The following MTMR7 variants were observed in gnomAD, a reference collection of about 807,000 sequenced individuals.
MTMR7 encodes phosphatidylinositol-3-phosphate phosphatase MTMR7.
In MTMR7, 76 loss-of-function variants were observed where a neutral mutation model predicts 81.2. The ratio of observed to expected loss-of-function variants is 0.94; its 90% CI spans 0.78 to 1.13. MTMR7 has a LOEUF of 1.13. MTMR7 is among the 50% of genes most tolerant of loss of function. MTMR7 has a pLI of 0.00. For synonymous variants in MTMR7, 372 were observed against 289.8 expected (o/e 1.28, Z -2.88); for missense variants, 1,044 against 820.0 (o/e 1.27, Z -3.34).
rs141625076 is a variant in MTMR7, at chr8:17,342,011, C to T, written c.598-514G>A. 6.8e-4 allele frequency among the ~76,000 whole-genome samples: 104 copies of T among 152,052 alleles called. 1 individual carries two copies. Among genetic ancestry groups the T allele is most frequent in the African/African-American group, 2.4e-3 (101 of 41,466 alleles). On this transcript the variant is annotated intron_variant, in intron 5 of 13. Transcript: ENST00000180173. Reference sequence around the variant, plus strand: ...CGGGAAACTTTCACGGTGACAAGAGCCCAGGTTGCTGCTAGGTTTGAAACC... The same window carrying T: ...CGGGAAACTTTCACGGTGACAAGAGTCCAGGTTGCTGCTAGGTTTGAAACC...
chr8:17,351,579 C>G (rs1446055595), intron 4 of MTMR7, among the ~76,000 whole-genome samples: 2 of 152,236 alleles, frequency 1.3e-5, no homozygotes, highest in African/African-American at 4.8e-5. Context: ...GGACAAAGAG[C>G]TCAACAACCT....
At chr8:17,304,595 G>GA in intron 11 of MTMR7, 76 bp from the exon 12 acceptor site, 1 of 1,466,872 alleles carries the variant, frequency 6.8e-7, no homozygotes, top group Non-Finnish European at 9.4e-7. Flanking sequence ...ATTAATGCTG[G>GA]AAAGGAACTA....
rs766760374 is a variant in MTMR7, at chr8:17,311,715, CTG to C, written c.976-81_976-80del. ...AACCTCTCATCACAGCCAGGTTTGACTGTATATTTACAGAAAGAAACAGCCAA... is the reference window on the plus strand; with the variant it reads ...AACCTCTCATCACAGCCAGGTTTGACTATATTTACAGAAAGAAACAGCCAA... On this transcript the variant is annotated intron_variant, in intron 8 of 13. Transcript: ENST00000180173. 24 of 1,596,710 alleles carry C rather than the reference CTG, an allele frequency of 1.5e-5. No individual in the cohort carries two copies. The East Asian group carries it at 2.7e-4, about 18-fold the overall frequency.
chr8:17,336,910 G>A (rs1819258080), intron 6 of MTMR7, among the ~76,000 whole-genome samples: 2 of 152,210 alleles, frequency 1.3e-5, no homozygotes, highest in African/African-American at 2.4e-5. Flanking sequence ...CAAACGGAGC[G>A]AGTGTGGGCT....
rs1309913159 is a variant in MTMR7 at position 17,339,500 on chromosome 8, A to T, written c.732+1863T>A. On this transcript the variant is annotated intron_variant, in intron 6 of 13. Transcript: ENST00000180173. ...AGCTCTGAAATTGCCTGTTGAAAGC[A>T]TTTCATGATTCCTTTGTGACAGACT... Among the ~76,000 whole-genome samples the T allele has an allele frequency of 4.6e-5, 7 of 152,292 alleles. No homozygotes were observed. The East Asian group carries it at 1.4e-3, about 29-fold the overall frequency.
At chr8:17,378,801 G>A (rs747141661) in intron 1 of MTMR7, among the ~76,000 whole-genome samples, 2 of 152,172 alleles carry the variant, frequency 1.3e-5, no homozygotes, top group African/African-American at 4.8e-5. Context: ...CATTGGCAGT[G>A]CTTCTTTCTT....
intron 4 of MTMR7, among the ~76,000 whole-genome samples, chr8:17,352,403 A>G (rs187834424): frequency 0.013 from 2,002 of 152,314 alleles, 28 homozygotes; most frequent in Non-Finnish European, 0.017. Flanking sequence ...CAAAAGTAAA[A>G]TAAAATAACG....
chr8:17,366,015 A>G (rs919706841), intron 3 of MTMR7, among the ~76,000 whole-genome samples: 1 of 152,176 alleles, frequency 6.6e-6, no homozygotes, highest in African/African-American at 2.4e-5. Context: ...AGGGAAGCCT[A>G]GGGCACTACA....
intron 1 of MTMR7, among the ~76,000 whole-genome samples, chr8:17,400,715 A>C (rs1821401349): frequency 6.6e-6 from 1 of 152,198 alleles, no homozygotes; most frequent in Non-Finnish European, 1.5e-5. Context: ...GCTGTTGAGG[A>C]GGTAGTCACT....
At chr8:17,338,108 A>C (rs1033928652) in intron 6 of MTMR7, among the ~76,000 whole-genome samples, 2 of 152,232 alleles carry the variant, frequency 1.3e-5, no homozygotes, top group Non-Finnish European at 1.5e-5. Context: ...TAAAAGAATG[A>C]AAGCTCTAAG....
intron 4 of MTMR7, among the ~76,000 whole-genome samples, chr8:17,359,679 G>C (rs1330474283): frequency 6.6e-6 from 1 of 150,938 alleles, no homozygotes; most frequent in East Asian, 1.9e-4. Context: ...CATTTATCAG[G>C]AGATAAAATA....
chr8:17,393,688 G>A (rs1821168028), intron 1 of MTMR7, among the ~76,000 whole-genome samples: 1 of 152,046 alleles, frequency 6.6e-6, no homozygotes, highest in Non-Finnish European at 1.5e-5. Flanking sequence ...ACACACACTG[G>A]GGCCTGTCAG....
chr8:17,336,569 C>T (rs1347924757), intron 6 of MTMR7, among the ~76,000 whole-genome samples: 1 of 152,144 alleles, frequency 6.6e-6, no homozygotes, highest in African/African-American at 2.4e-5. Flanking sequence ...TCACTAATTC[C>T]AGAGAAAAAG....
intron 5 of MTMR7, among the ~76,000 whole-genome samples, chr8:17,346,385 G>C (rs1819551527): frequency 6.6e-6 from 1 of 152,116 alleles, no homozygotes; most frequent in South Asian, 2.1e-4. Flanking sequence ...AGAAGAGCTA[G>C]AGCTTCAGGT....
chr8:17,389,188 C>A (rs1821033136), intron 1 of MTMR7, among the ~76,000 whole-genome samples: 1 of 152,180 alleles, frequency 6.6e-6, no homozygotes, highest in Admixed American at 6.5e-5. Flanking sequence ...CCTCAACTAC[C>A]CCAGTCCACT....
chr8:17,342,653 T>C (rs1408239515), intron 5 of MTMR7, among the ~76,000 whole-genome samples: 1 of 152,112 alleles, frequency 6.6e-6, no homozygotes, highest in African/African-American at 2.4e-5. Flanking sequence ...AACCACAGAA[T>C]GGCTGGACAT....
At chr8:17,340,640 G>C (rs1819380466) in intron 6 of MTMR7, among the ~76,000 whole-genome samples, 1 of 152,190 alleles carries the variant, frequency 6.6e-6, no homozygotes, top group South Asian at 2.1e-4. Flanking sequence ...GTAAGTGTAA[G>C]ATCAATGTGG....
chr8:17,333,218 TAA>T (rs61607683), intron 6 of MTMR7, among the ~76,000 whole-genome samples: 2 of 152,160 alleles, frequency 1.3e-5, no homozygotes, highest in Admixed American at 1.3e-4. Flanking sequence ...GCTACGAGAA[TAA>T]AGAGTTTGGC....
At chr8:17,367,421 T>A (rs992820363) in intron 3 of MTMR7, among the ~76,000 whole-genome samples, 1 of 152,202 alleles carries the variant, frequency 6.6e-6, no homozygotes. Context: ...GGTCTTTTCA[T>A]CAGAAAAGTT....
Sources: gnomAD v4.1 joint callset for allele counts (sites outside exome capture counted in the v4.1 genomes callset) on GRCh38, gnomAD v4.1.1 for gene constraint, MANE v1.5 for transcripts, NCBI Gene and HGNC (gene_info 2026-07-23, HGNC 2026-07-21) for gene names.